Variants in EXT1 observed in about 807,000 individuals in gnomAD.
EXT1 encodes exostosin-1.
Under a neutral mutation model 82.5 loss-of-function variants are expected in EXT1, and 20 were observed. That is an observed-to-expected ratio of 0.24 (90% CI 0.17 to 0.35). The LOEUF (loss-of-function observed/expected upper bound fraction) is 0.35, where lower values mean the gene tolerates loss of function less well. EXT1 is among the 10% of genes least tolerant of loss of function. The pLI is 1.00. For synonymous variants in EXT1, 348 were observed against 350.8 expected (o/e 0.99, Z 0.09); for missense variants, 757 against 936.5 (o/e 0.81, Z 2.50).
intron 1 of EXT1, among the ~76,000 whole-genome samples, chr8:117,899,675 A>C (rs1161056660): frequency 3.9e-5 from 6 of 152,232 alleles, no homozygotes; most frequent in Non-Finnish European, 8.8e-5. Context: ...GGGAAACTGA[A>C]GATTACATCT....
intron 1 of EXT1, among the ~76,000 whole-genome samples, chr8:117,995,689 T>C (rs1815522097): frequency 6.6e-6 from 1 of 152,152 alleles, no homozygotes; most frequent in Non-Finnish European, 1.5e-5. Context: ...AAATTTAAGA[T>C]CCAGTTTTCA....
At chr8:118,039,278 T>C (rs1041902625) in intron 1 of EXT1, among the ~76,000 whole-genome samples, 3 of 151,998 alleles carry the variant, frequency 2.0e-5, no homozygotes, top group African/African-American at 7.2e-5. Context: ...TCAACATTAA[T>C]GCCAGGCACG....
intron 1 of EXT1, among the ~76,000 whole-genome samples, chr8:118,009,237 C>T (rs1815845735): frequency 6.6e-6 from 1 of 152,216 alleles, no homozygotes; most frequent in South Asian, 2.1e-4. Context: ...TAACATTCTC[C>T]TCTGTTGTTC....
chr8:118,047,375 T>C (rs1161118846), intron 1 of EXT1, among the ~76,000 whole-genome samples: 5 of 152,160 alleles, frequency 3.3e-5, no homozygotes, highest in African/African-American at 9.7e-5. Flanking sequence ...GAAATCATAA[T>C]AGTACTTAAC....
chr8:118,102,850 T>C (rs1817745307), intron 1 of EXT1, among the ~76,000 whole-genome samples: 1 of 152,220 alleles, frequency 6.6e-6, no homozygotes, highest in Non-Finnish European at 1.5e-5. Flanking sequence ...CTTGCTTTCT[T>C]TCTTTCTTTG....
intron 1 of EXT1, among the ~76,000 whole-genome samples, chr8:118,037,364 C>T (rs2129893174): frequency 6.6e-6 from 1 of 150,460 alleles, no homozygotes; most frequent in Admixed American, 6.6e-5. Context: ...TTACAATTTG[C>T]AGGTAAAAAG....
At chr8:117,896,872 G>C (rs1027811846) in intron 1 of EXT1, among the ~76,000 whole-genome samples, 1 of 152,094 alleles carries the variant, frequency 6.6e-6, no homozygotes, top group Non-Finnish European at 1.5e-5. Flanking sequence ...GAAGGGTTCA[G>C]GTTCACAGGT....
At chr8:117,851,134 A>G (rs1206721174) in intron 1 of EXT1, among the ~76,000 whole-genome samples, 1 of 152,166 alleles carries the variant, frequency 6.6e-6, no homozygotes, top group Non-Finnish European at 1.5e-5. Context: ...AAGGGAGGGA[A>G]TCATAAAATC....
chr8:117,984,464 AAG>A (rs1815274325), intron 1 of EXT1, among the ~76,000 whole-genome samples: 4 of 149,230 alleles, frequency 2.7e-5, no homozygotes, highest in Admixed American at 6.7e-5. Flanking sequence ...AAAAAAAACA[AAG>A]AAAAGAAAAG....
intron 1 of EXT1, among the ~76,000 whole-genome samples, chr8:117,884,692 G>A (rs1813117724): frequency 6.6e-6 from 1 of 151,950 alleles, no homozygotes; most frequent in Non-Finnish European, 1.5e-5. Flanking sequence ...ATGAAACTGT[G>A]TGAATCCCAC....
At chr8:117,952,951 T>C (rs574529903) in intron 1 of EXT1, among the ~76,000 whole-genome samples, 1 of 152,364 alleles carries the variant, frequency 6.6e-6, no homozygotes, top group Admixed American at 6.5e-5. Flanking sequence ...CCATATTTTG[T>C]AAATGACTGA....
intron 1 of EXT1, among the ~76,000 whole-genome samples, chr8:117,936,764 A>G (rs187051696): frequency 1.3e-5 from 2 of 152,270 alleles, no homozygotes; most frequent in Admixed American, 1.3e-4. Flanking sequence ...AATCCCAGCT[A>G]CTTGGGAGGC....
Position 117,883,061 on chromosome 8 carries a change from A to G in EXT1, c.963-45860T>C, listed in dbSNP as rs1162401702. Among the ~76,000 whole-genome samples the G allele has an allele frequency of 7.2e-5, 11 of 152,180 alleles. No individual in the cohort carries two copies. The East Asian group carries it at 1.9e-3, about 27-fold the overall frequency. On this transcript the variant is annotated intron_variant, in intron 1 of 10. Coordinates refer to ENST00000378204, the MANE Select transcript of EXT1 (RefSeq NM_000127.3). ...AGAGAATTTGTTGTCTGGGAGAAAG[A>G]AAGGCCTAAGCCCATGTAATATCAA...
At chr8:118,067,738 C>A (rs186860444) in intron 1 of EXT1, among the ~76,000 whole-genome samples, 2 of 152,334 alleles carry the variant, frequency 1.3e-5, no homozygotes, top group African/African-American at 4.8e-5. Context: ...TTAGAAACTG[C>A]ACATTAAATC....
chr8:117,888,496 C>T (rs1813188042), intron 1 of EXT1, among the ~76,000 whole-genome samples: 1 of 152,014 alleles, frequency 6.6e-6, no homozygotes, highest in African/African-American at 2.4e-5. Context: ...TAGAGTCACA[C>T]CACTATATAT....
At chr8:117,958,766 T>C (rs1360736466) in intron 1 of EXT1, among the ~76,000 whole-genome samples, 1 of 152,208 alleles carries the variant, frequency 6.6e-6, no homozygotes, top group East Asian at 1.9e-4. Context: ...GAGCATTCTT[T>C]TCAACTAGCC....
intron 1 of EXT1, among the ~76,000 whole-genome samples, chr8:117,897,180 C>T (rs1813355241): frequency 6.6e-6 from 1 of 152,236 alleles, no homozygotes; most frequent in Non-Finnish European, 1.5e-5. Context: ...TCCATACTAG[C>T]TGCATGTGGC....
intron 1 of EXT1, among the ~76,000 whole-genome samples, chr8:118,103,295 C>T (rs1027268484): frequency 1.3e-5 from 2 of 152,074 alleles, no homozygotes; most frequent in Admixed American, 6.5e-5. Flanking sequence ...TACAGGTGTG[C>T]ACCACCATGC....
intron 1 of EXT1, among the ~76,000 whole-genome samples, chr8:117,974,083 C>T (rs1289687278): frequency 2.0e-5 from 3 of 152,152 alleles, no homozygotes; most frequent in Non-Finnish European, 2.9e-5. Context: ...TTCTCATCCC[C>T]TCCCACCCAG....
Sources: gnomAD v4.1 joint callset for allele counts (sites outside exome capture counted in the v4.1 genomes callset) on GRCh38, gnomAD v4.1.1 for gene constraint, MANE v1.5 for transcripts, NCBI Gene and HGNC (gene_info 2026-07-23, HGNC 2026-07-21) for gene names.